AGBL4: variants seen among roughly 807,000 people sequenced by gnomAD.
AGBL4 encodes the protein AGBL carboxypeptidase 4, also known as cytosolic carboxypeptidase 6.
Under a neutral mutation model 66.4 loss-of-function variants are expected in AGBL4, and 58 were observed. The observed-to-expected ratio is 0.87, with a 90% CI of 0.71 to 1.09. The LOEUF is 1.09. Ranked by LOEUF, AGBL4 falls within the 50% of genes least tolerant of loss-of-function variation. The pLI, the probability that AGBL4 is intolerant of heterozygous loss-of-function variation, is 0.00. For missense variants in AGBL4, 579 were observed against 631.0 expected (o/e 0.92, Z 0.88); for synonymous variants, 234 against 222.9 (o/e 1.05, Z -0.44).
chr1:49,111,391 C>G (rs954129576), intron 4 of AGBL4, among the ~76,000 whole-genome samples: 1 of 152,226 alleles, frequency 6.6e-6, no homozygotes, highest in Non-Finnish European at 1.5e-5. Context: ...GGATTACAGG[C>G]ATGAGCCACC....
At chr1:49,586,621 T>A (rs946779333) in intron 3 of AGBL4, among the ~76,000 whole-genome samples, 2 of 151,730 alleles carry the variant, frequency 1.3e-5, no homozygotes, top group African/African-American at 4.8e-5. Context: ...GTATCTAGCA[T>A]GCAACCATAA....
intron 1 of AGBL4, among the ~76,000 whole-genome samples, chr1:50,008,572 T>G (rs1269951263): frequency 6.6e-6 from 1 of 151,144 alleles, no homozygotes; most frequent in Non-Finnish European, 1.5e-5. Flanking sequence ...GTAGAAAAAG[T>G]TAACAACCTA....
chr1:48,546,896 C>CACACACACACAT (rs764972096), intron 11 of AGBL4, among the ~76,000 whole-genome samples: 45 of 151,212 alleles, frequency 3.0e-4, no homozygotes, highest in African/African-American at 1.0e-3. Flanking sequence ...CACACACACA[C>CACACACACACAT]ACATACATAA....
intron 2 of AGBL4, among the ~76,000 whole-genome samples, chr1:49,778,423 T>C (rs550047819): frequency 3.9e-4 from 60 of 152,084 alleles, no homozygotes; most frequent in Non-Finnish European, 8.2e-4. Flanking sequence ...GATACCTGAG[T>C]CCCTGAAACT....
intron 3 of AGBL4, among the ~76,000 whole-genome samples, chr1:49,608,065 T>C (rs1645091703): frequency 6.6e-6 from 1 of 152,020 alleles, no homozygotes; most frequent in African/African-American, 2.4e-5. Context: ...ATGAGAAAAA[T>C]AGCCCTGCCT....
chr1:48,595,653 A>G (rs981617067), intron 9 of AGBL4, among the ~76,000 whole-genome samples: 3 of 152,210 alleles, frequency 2.0e-5, no homozygotes, highest in African/African-American at 4.8e-5. Flanking sequence ...TAAAGAGTAA[A>G]TTAAAATCAG....
chr1:49,700,076 T>C (rs1647058660), intron 2 of AGBL4, among the ~76,000 whole-genome samples: 1 of 151,664 alleles, frequency 6.6e-6, no homozygotes, highest in African/African-American at 2.4e-5. Flanking sequence ...TAATATCAAC[T>C]ATATGTTGCT....
At chr1:49,028,335 T>C (rs1663901744) in intron 5 of AGBL4, among the ~76,000 whole-genome samples, 2 of 152,154 alleles carry the variant, frequency 1.3e-5, no homozygotes, top group Non-Finnish European at 2.9e-5. Flanking sequence ...TTATTGCCCC[T>C]AGAGAAAACA....
At chr1:49,373,419 C>T (rs925326396) in intron 3 of AGBL4, among the ~76,000 whole-genome samples, 7 of 152,096 alleles carry the variant, frequency 4.6e-5, no homozygotes, top group Admixed American at 2.6e-4. Context: ...AATGGGTTTT[C>T]TGCCCAAGCT....
intron 2 of AGBL4, among the ~76,000 whole-genome samples, chr1:49,752,380 C>A (rs1324694838): frequency 6.6e-6 from 1 of 152,074 alleles, no homozygotes; most frequent in Non-Finnish European, 1.5e-5. Flanking sequence ...TGTAGTTGTG[C>A]GGTTTTGAGT....
intron 4 of AGBL4, among the ~76,000 whole-genome samples, chr1:49,134,539 A>G (rs1315021097): frequency 7.7e-6 from 1 of 129,172 alleles, no homozygotes; most frequent in Non-Finnish European, 1.5e-5. Context: ...AATATTCCTT[A>G]CTGGGGAAAG....
chr1:49,026,098 T>G (rs909930165), intron 5 of AGBL4, among the ~76,000 whole-genome samples: 1 of 152,122 alleles, frequency 6.6e-6, no homozygotes, highest in Non-Finnish European at 1.5e-5. Context: ...TTTTGTATAT[T>G]TATATCTATA....
At chr1:49,306,398 G>A (rs1644849595) in intron 3 of AGBL4, among the ~76,000 whole-genome samples, 1 of 152,250 alleles carries the variant, frequency 6.6e-6, no homozygotes, top group South Asian at 2.1e-4. Context: ...TGAAAAACAG[G>A]TATATGTCTG....
chr1:49,797,924 C>G (rs374246031), intron 2 of AGBL4, among the ~76,000 whole-genome samples: 1 of 152,026 alleles, frequency 6.6e-6, no homozygotes, highest in Non-Finnish European at 1.5e-5. Context: ...CCACCACACC[C>G]GGCTAATTTT....
intron 2 of AGBL4, among the ~76,000 whole-genome samples, chr1:49,736,926 T>A (rs1237904667): frequency 6.6e-6 from 1 of 151,914 alleles, no homozygotes; most frequent in African/African-American, 2.4e-5. Flanking sequence ...ACAACATAAC[T>A]ACTCATCAAA....
At chr1:48,770,796 C>T (rs1644782809) in intron 6 of AGBL4, among the ~76,000 whole-genome samples, 2 of 152,202 alleles carry the variant, frequency 1.3e-5, no homozygotes. Context: ...TACAACCAGT[C>T]AGTTACTAAG....
At chr1:49,682,427 G>T (rs1646713212) in intron 3 of AGBL4, among the ~76,000 whole-genome samples, 1 of 152,032 alleles carries the variant, frequency 6.6e-6, no homozygotes, top group African/African-American at 2.4e-5. Context: ...ACATAAATAA[G>T]ACATAAAGTT....
At position 48,921,663 on chromosome 1, in the gene AGBL4, G is replaced by T. The variant is rs75117382; in HGVS notation, c.595-54433C>A. On this transcript the variant is annotated intron_variant, in intron 5 of 13. Coordinates refer to ENST00000371839, the MANE Select transcript of AGBL4 (RefSeq NM_032785.4). Reference sequence around the variant, plus strand: ...TATAATCATGATAACAATACAAGTAGTCACAATAGAATAATATTTAGTCCC... The same window carrying T: ...TATAATCATGATAACAATACAAGTATTCACAATAGAATAATATTTAGTCCC... 9.9e-5 allele frequency among the ~76,000 whole-genome samples: 15 copies of T among 152,258 alleles called. No individual in the cohort carries two copies. The East Asian group carries it at 2.7e-3, about 27-fold the overall frequency.
intron 2 of AGBL4, 39 bp downstream of exon 2, chr1:49,851,356 AC>A: frequency 1.3e-6 from 2 of 1,513,274 alleles, no homozygotes; most frequent in Non-Finnish European, 8.8e-7. Context: ...GAAATGCCTT[AC>A]CAGACAAACT....
Sources: allele counts gnomAD v4.1 joint callset (sites outside exome capture counted in the v4.1 genomes callset), GRCh38; gene constraint gnomAD v4.1.1; transcripts MANE v1.5; gene names NCBI Gene and HGNC (gene_info 2026-07-23, HGNC 2026-07-21).